NLGN1: variants seen among roughly 807,000 people sequenced by gnomAD.
NLGN1 encodes neuroligin 1.
Under a neutral mutation model 65.5 loss-of-function variants are expected in NLGN1, and 12 were observed. The observed-to-expected ratio is 0.18, with a 90% CI of 0.12 to 0.30. The LOEUF (loss-of-function observed/expected upper bound fraction) is 0.30, where lower values mean the gene tolerates loss of function less well. NLGN1 is among the 10% of genes least tolerant of loss of function. NLGN1 has a pLI of 1.00. For missense variants in NLGN1, 750 were observed against 1,007.1 expected (o/e 0.74, Z 3.46); for synonymous variants, 350 against 359.5 (o/e 0.97, Z 0.30).
At chr3:173,479,116 A>G (rs566448565) in intron 2 of NLGN1, among the ~76,000 whole-genome samples, 1 of 152,272 alleles carries the variant, frequency 6.6e-6, no homozygotes, top group Non-Finnish European at 1.5e-5. Context: ...TTGTTAAATA[A>G]ACAAGGCTGT....
chr3:173,712,491 A>G (rs1256885283), intron 3 of NLGN1, among the ~76,000 whole-genome samples: 1 of 152,178 alleles, frequency 6.6e-6, no homozygotes, highest in East Asian at 1.9e-4. Flanking sequence ...CTGGACTCAG[A>G]TTCTGGCTCT....
intron 4 of NLGN1, among the ~76,000 whole-genome samples, chr3:174,155,504 C>G (rs1725276382): frequency 6.6e-6 from 1 of 151,814 alleles, no homozygotes; most frequent in African/African-American, 2.4e-5. Context: ...AATATACTTG[C>G]AAACTTTTCA....
intron 2 of NLGN1, among the ~76,000 whole-genome samples, chr3:173,491,153 G>C (rs927948781): frequency 6.6e-6 from 1 of 151,834 alleles, no homozygotes; most frequent in African/African-American, 2.4e-5. Context: ...TGGTGAGAGA[G>C]GGCATCCCTG....
At chr3:174,010,636 A>G (rs1725352214) in intron 4 of NLGN1, among the ~76,000 whole-genome samples, 1 of 152,160 alleles carries the variant, frequency 6.6e-6, no homozygotes, top group Admixed American at 6.6e-5. Context: ...TAACATCTGA[A>G]TTGCTTATCA....
intron 4 of NLGN1, among the ~76,000 whole-genome samples, chr3:174,224,001 T>C (rs1739140618): frequency 6.6e-6 from 1 of 152,238 alleles, no homozygotes; most frequent in Admixed American, 6.5e-5. Context: ...ACCCAAACTT[T>C]CCATCCTGCT....
At chr3:173,667,239 G>GCGCA (rs150296232) in intron 3 of NLGN1, among the ~76,000 whole-genome samples, 3 of 147,448 alleles carry the variant, frequency 2.0e-5, no homozygotes, top group African/African-American at 7.6e-5. Flanking sequence ...ACACGCATAT[G>GCGCA]CACACACACA....
intron 3 of NLGN1, among the ~76,000 whole-genome samples, chr3:173,757,927 A>G (rs979762479): frequency 9.2e-5 from 14 of 152,048 alleles, no homozygotes; most frequent in African/African-American, 3.4e-4. Context: ...TATTTATCTA[A>G]CATGGGAAGA....
intron 4 of NLGN1, among the ~76,000 whole-genome samples, chr3:173,903,896 G>T (rs1340557823): frequency 2.0e-5 from 3 of 152,040 alleles, no homozygotes; most frequent in Admixed American, 2.0e-4. Flanking sequence ...CCCTCTAGAA[G>T]TTGGCTTTAA....
intron 2 of NLGN1, among the ~76,000 whole-genome samples, chr3:173,602,767 C>G (rs1750749284): frequency 6.6e-6 from 1 of 151,966 alleles, no homozygotes; most frequent in Non-Finnish European, 1.5e-5. Context: ...AAGGAACTTG[C>G]AAAGACTCAT....
intron 4 of NLGN1, among the ~76,000 whole-genome samples, chr3:174,074,046 T>C (rs1740425572): frequency 6.6e-6 from 1 of 152,178 alleles, no homozygotes; most frequent in Non-Finnish European, 1.5e-5. Flanking sequence ...TGTTACAGTA[T>C]GCAGGAAGGG....
At chr3:173,717,733 A>G (rs1053441614) in intron 3 of NLGN1, among the ~76,000 whole-genome samples, 1 of 152,174 alleles carries the variant, frequency 6.6e-6, no homozygotes, top group Non-Finnish European at 1.5e-5. Context: ...GAGTCCTGCA[A>G]GCATCAGGAG....
chr3:173,573,078 C>T (rs572779280), intron 2 of NLGN1, among the ~76,000 whole-genome samples: 1 of 147,418 alleles, frequency 6.8e-6, no homozygotes, highest in Non-Finnish European at 1.5e-5. Context: ...TACTTCCGAA[C>T]CCTGAAACTA....
chr3:173,798,444 TATA>T (rs1714659294), intron 3 of NLGN1, among the ~76,000 whole-genome samples: 1 of 152,122 alleles, frequency 6.6e-6, no homozygotes, highest in Admixed American at 6.6e-5. Context: ...ATATTTTAAA[TATA>T]ATATTCTGAT....
At chr3:174,293,174 G>C in the NLGN1 span, among the ~76,000 whole-genome samples, 1 of 151,440 alleles carries the variant, frequency 6.6e-6, no homozygotes. Flanking sequence ...AGTGTTGATA[G>C]ATCACAGAGG....
chr3:173,640,356 A>T (rs745869243), intron 3 of NLGN1, among the ~76,000 whole-genome samples: 2 of 152,114 alleles, frequency 1.3e-5, no homozygotes, highest in Non-Finnish European at 2.9e-5. Flanking sequence ...TACCATAAAC[A>T]TTCTTTATAT....
intron 4 of NLGN1, among the ~76,000 whole-genome samples, chr3:174,045,303 G>T (rs1402759623): frequency 6.6e-6 from 1 of 152,086 alleles, no homozygotes; most frequent in African/African-American, 2.4e-5. Flanking sequence ...TTACAATCAT[G>T]GCAGAAGGGA....
At chr3:173,622,676 A>G (rs1754193998) in intron 3 of NLGN1, among the ~76,000 whole-genome samples, 1 of 152,124 alleles carries the variant, frequency 6.6e-6, no homozygotes, top group Non-Finnish European at 1.5e-5. Context: ...CCAGGACTGC[A>G]TCGGAGAAGT....
intron 4 of NLGN1, among the ~76,000 whole-genome samples, chr3:173,852,714 A>G (rs539791694): frequency 3.9e-5 from 6 of 152,220 alleles, no homozygotes; most frequent in African/African-American, 1.4e-4. Flanking sequence ...GTTTTGTAAA[A>G]GCAAATTGGA....
At chr3:173,434,926 C>T (rs573376321) in intron 1 of NLGN1, 1 of 152,590 alleles carries the variant, frequency 6.6e-6, no homozygotes, top group Non-Finnish European at 1.5e-5. Context: ...GAAATTCACC[C>T]ACCATTTGAA....
Sources: gnomAD v4.1 joint callset for allele counts (sites outside exome capture counted in the v4.1 genomes callset) on GRCh38, gnomAD v4.1.1 for gene constraint, MANE v1.5 for transcripts, NCBI Gene and HGNC (gene_info 2026-07-23, HGNC 2026-07-21) for gene names.